Variants in STK3 observed in about 807,000 individuals in gnomAD.
STK3 encodes serine/threonine kinase 3.
A neutral mutation model predicts 58.0 loss-of-function variants in STK3; 41 were observed. The observed-to-expected ratio is 0.71, with a 90% CI of 0.55 to 0.92. The LOEUF is 0.92. Among genes scored for constraint, STK3 ranks in the 40% least tolerant of loss-of-function variants. The probability of loss-of-function intolerance (pLI) is 0.00; values close to 1 mark genes in which losing one functional copy is unlikely to be tolerated. For synonymous variants in STK3, 170 were observed against 191.0 expected (o/e 0.89, Z 0.91); for missense variants, 479 against 602.7 (o/e 0.79, Z 2.15).
rs547484400 is a variant in STK3 at position 98,730,729 on chromosome 8, A to C, written c.351+18547T>G. ...AGACTCCGTCTCAAAAAAAAAAAAAAAAAAAAAAACACCTGTGTGGTATTT... is the reference window on the plus strand; with the variant it reads ...AGACTCCGTCTCAAAAAAAAAAAAACAAAAAAAAACACCTGTGTGGTATTT... On this transcript the variant is annotated intron_variant, in intron 4 of 10. Coordinates refer to ENST00000419617, the MANE Select transcript of STK3 (RefSeq NM_006281.4). Among the ~76,000 whole-genome samples the C allele has an allele frequency of 9.9e-5, 15 of 151,958 alleles. 1 individual carries two copies. The East Asian group carries it at 2.9e-3, about 29-fold the overall frequency.
intron 10 of STK3, among the ~76,000 whole-genome samples, chr8:98,480,339 A>G (rs538171488): frequency 1.3e-5 from 2 of 152,192 alleles, no homozygotes; most frequent in Non-Finnish European, 2.9e-5. Context: ...GAATCATCGG[A>G]CTTCTCTTTA....
In STK3 at chr8:98,699,756, G is replaced by A. The variant is rs374670868; in HGVS notation, c.684+6711C>T. ...TCAGAGGAGTACCCGGCCGTGTGAG[G>A]TGTCAGTCTGCCCCTACTTGGGGGT... On this transcript the variant is annotated intron_variant, in intron 6 of 10. Transcript: ENST00000419617. 1.7e-3 allele frequency among the ~76,000 whole-genome samples: 262 copies of A among 152,276 alleles called. 3 individuals are homozygous for A. The highest frequency in any genetic ancestry group is 2.9e-3 in the Non-Finnish European group (199 of 68,024).
intron 1 of STK3, among the ~76,000 whole-genome samples, chr8:98,776,835 G>A (rs887301695): frequency 6.6e-6 from 1 of 151,582 alleles, no homozygotes; most frequent in Non-Finnish European, 1.5e-5. Flanking sequence ...TGGATCACGA[G>A]GTCAGGAGAC....
intron 4 of STK3, among the ~76,000 whole-genome samples, chr8:98,733,998 A>C (rs933323301): frequency 2.0e-5 from 3 of 152,204 alleles, no homozygotes; most frequent in African/African-American, 7.2e-5. Flanking sequence ...ACTCACAATC[A>C]TGACGGAAGG....
chr8:98,681,744 T>C (rs1373640447), intron 6 of STK3, among the ~76,000 whole-genome samples: 6 of 152,202 alleles, frequency 3.9e-5, no homozygotes, highest in African/African-American at 1.4e-4. Flanking sequence ...ATTCTACCCC[T>C]AAACTCCCAA....
At chr8:98,551,746 C>A (rs926824377) in intron 8 of STK3, among the ~76,000 whole-genome samples, 1 of 152,110 alleles carries the variant, frequency 6.6e-6, no homozygotes, top group Non-Finnish European at 1.5e-5. Flanking sequence ...CTTTACCCCC[C>A]GAATATGCAC....
intron 6 of STK3, among the ~76,000 whole-genome samples, chr8:98,629,391 A>AC (rs1818998836): frequency 6.6e-6 from 1 of 152,218 alleles, no homozygotes; most frequent in African/African-American, 2.4e-5. Context: ...AAAACTGGAG[A>AC]CCCCACACAC....
chr8:98,877,434 A>G (rs1837594752), intron 3 of STK3, among the ~76,000 whole-genome samples: 1 of 152,174 alleles, frequency 6.6e-6, no homozygotes, highest in African/African-American at 2.4e-5. Flanking sequence ...AAAAATTAGC[A>G]GTAATACTAT....
At chr8:98,738,094 G>C (rs935854128) in intron 4 of STK3, among the ~76,000 whole-genome samples, 24 of 152,296 alleles carry the variant, frequency 1.6e-4, no homozygotes, top group African/African-American at 5.8e-4. Flanking sequence ...TCATGCATTG[G>C]AAAATATTAG....
intron 4 of STK3, among the ~76,000 whole-genome samples, chr8:98,744,971 A>G (rs566865318): frequency 1.3e-5 from 2 of 152,238 alleles, no homozygotes; most frequent in Admixed American, 6.5e-5. Flanking sequence ...TAGATTAAAG[A>G]TGTAGGTAAA....
intron 1 of STK3, among the ~76,000 whole-genome samples, chr8:98,910,818 AG>A (rs1839101311): frequency 6.6e-6 from 1 of 152,194 alleles, no homozygotes; most frequent in South Asian, 2.1e-4. Flanking sequence ...TTCCACTGAA[AG>A]GTGTTAAACA....
At chr8:98,582,735 G>A (rs768477544) in intron 7 of STK3, among the ~76,000 whole-genome samples, 8 of 151,950 alleles carry the variant, frequency 5.3e-5, no homozygotes, top group Middle Eastern at 3.4e-3. Flanking sequence ...TCATACTGGC[G>A]TTACATACTT....
At chr8:98,490,132 T>C (rs1415974083) in intron 10 of STK3, among the ~76,000 whole-genome samples, 1 of 152,204 alleles carries the variant, frequency 6.6e-6, no homozygotes, top group Non-Finnish European at 1.5e-5. Flanking sequence ...GTTTCCTTAG[T>C]TACAGATCTT....
chr8:98,567,290 T>C (rs1265124145), intron 8 of STK3, among the ~76,000 whole-genome samples: 1 of 152,214 alleles, frequency 6.6e-6, no homozygotes, highest in African/African-American at 2.4e-5. Context: ...CTTAGCCTCC[T>C]GGGCTCAAGC....
intron 1 of STK3, among the ~76,000 whole-genome samples, chr8:98,900,103 G>A (rs1403282509): frequency 6.6e-6 from 1 of 152,086 alleles, no homozygotes; most frequent in East Asian, 1.9e-4. Flanking sequence ...TTGAGACAGG[G>A]TCTCCCTCTG....
chr8:98,742,190 C>T (rs1036401701), intron 4 of STK3, among the ~76,000 whole-genome samples: 13 of 151,718 alleles, frequency 8.6e-5, no homozygotes, highest in African/African-American at 3.2e-4. Context: ...GAAACTATTC[C>T]AATCAATAGA....
At chr8:98,779,198 T>C (rs1433736434) in intron 1 of STK3, among the ~76,000 whole-genome samples, 1 of 152,084 alleles carries the variant, frequency 6.6e-6, no homozygotes, top group East Asian at 1.9e-4. Flanking sequence ...ATCAGCATCA[T>C]AGGTGAAAAC....
chr8:98,762,487 C>G lies in STK3; in HGVS notation c.236+4756G>C, dbSNP rs564856409. On this transcript the variant is annotated intron_variant, in intron 3 of 10. Coordinates refer to ENST00000419617, the MANE Select transcript of STK3 (RefSeq NM_006281.4). ...GCCAGGCTGGTCTCAAACTTCTGACCTTGTGATCCACCCGCCTCAGCCTCC... is the reference window on the plus strand; with the variant it reads ...GCCAGGCTGGTCTCAAACTTCTGACGTTGTGATCCACCCGCCTCAGCCTCC... Among the ~76,000 whole-genome samples the G allele has an allele frequency of 6.6e-5, 10 of 152,314 alleles. No individual in the cohort carries two copies. The South Asian group carries it at 2.1e-3, about 32-fold the overall frequency.
chr8:98,905,667 T>A, intron 1 of STK3: 1 of 749,968 alleles, frequency 1.3e-6, no homozygotes, highest in Non-Finnish European at 2.5e-6. Context: ...AACAGCTTCA[T>A]CATCCGGACA....
Sources: gnomAD v4.1 joint callset for allele counts (sites outside exome capture counted in the v4.1 genomes callset) on GRCh38, gnomAD v4.1.1 for gene constraint, MANE v1.5 for transcripts, NCBI Gene and HGNC (gene_info 2026-07-23, HGNC 2026-07-21) for gene names.